The following GRM8 variants were observed in gnomAD, a reference collection of about 807,000 sequenced individuals.
GRM8 encodes the protein glutamate metabotropic receptor 8.
In GRM8, 47 loss-of-function variants were observed where a neutral mutation model predicts 87.2. The observed-to-expected ratio is 0.54, with a 90% confidence interval of 0.43 to 0.69. The LOEUF (loss-of-function observed/expected upper bound fraction) is 0.69. GRM8 is among the 30% of genes least tolerant of loss of function. The pLI, the probability that GRM8 is intolerant of heterozygous loss-of-function variation, is 0.00. For missense variants in GRM8, 1,019 were observed against 1,139.2 expected, an observed-to-expected ratio of 0.89 and a Z score of 1.52; for synonymous variants, 396 against 404.5, an observed-to-expected ratio of 0.98 and a Z score of 0.25.
intron 6 of GRM8, among the ~76,000 whole-genome samples, chr7:126,800,843 A>G (rs1418007448): frequency 2.6e-5 from 4 of 152,134 alleles, no homozygotes; most frequent in Non-Finnish European, 2.9e-5. Context: ...AATATGTTTA[A>G]CTGAATAAAA....
intron 6 of GRM8, among the ~76,000 whole-genome samples, chr7:126,898,659 C>T (rs189448036): frequency 3.2e-4 from 49 of 152,316 alleles, no homozygotes; most frequent in Non-Finnish European, 6.5e-4. Flanking sequence ...AATCTGGATT[C>T]GGCCACAAAC....
chr7:127,086,169 C>T (rs1355018940), intron 3 of GRM8, among the ~76,000 whole-genome samples: 2 of 152,144 alleles, frequency 1.3e-5, no homozygotes, highest in Non-Finnish European at 2.9e-5. Context: ...GGCATGATCT[C>T]GGCTCACTGC....
At chr7:126,710,084 A>C (rs1167336467) in intron 7 of GRM8, among the ~76,000 whole-genome samples, 1 of 152,236 alleles carries the variant, frequency 6.6e-6, no homozygotes, top group Non-Finnish European at 1.5e-5. Context: ...ATAGTCTACT[A>C]AGTGTATAGC....
chr7:126,526,752 C>CA (rs1813906843), intron 9 of GRM8, among the ~76,000 whole-genome samples: 1 of 152,134 alleles, frequency 6.6e-6, no homozygotes, highest in Non-Finnish European at 1.5e-5. Context: ...AAAACAAAAA[C>CA]TTATATAAGG....
chr7:127,144,471 A>G (rs1489417911), intron 2 of GRM8, among the ~76,000 whole-genome samples: 1 of 152,154 alleles, frequency 6.6e-6, no homozygotes, highest in Non-Finnish European at 1.5e-5. Flanking sequence ...ATGAGATATC[A>G]TTGCTTTTCA....
At chr7:126,650,130 G>A (rs1803643938) in intron 7 of GRM8, among the ~76,000 whole-genome samples, 1 of 152,130 alleles carries the variant, frequency 6.6e-6, no homozygotes, top group African/African-American at 2.4e-5. Flanking sequence ...TCATGAACTG[G>A]GTGCTTTCTG....
intron 7 of GRM8, among the ~76,000 whole-genome samples, chr7:126,643,466 T>A (rs1184186910): frequency 6.7e-6 from 1 of 150,362 alleles, no homozygotes; most frequent in Admixed American, 6.6e-5. Flanking sequence ...ACACATATAA[T>A]TAAAACCTTG....
intron 6 of GRM8, among the ~76,000 whole-genome samples, chr7:126,824,923 C>T (rs139142607): frequency 3.0e-4 from 45 of 152,240 alleles, no homozygotes; most frequent in African/African-American, 9.4e-4. Flanking sequence ...GTCATGAAAA[C>T]CTCAATATTC....
intron 7 of GRM8, among the ~76,000 whole-genome samples, chr7:126,741,105 C>T (rs2157978): frequency 0.44 from 66,510 of 151,800 alleles, 15,100 homozygotes; most frequent in Non-Finnish European, 0.48. Context: ...ACCAGTGAGA[C>T]GTGGCTACAG....
At chr7:126,806,091 G>C (rs933940595) in intron 6 of GRM8, among the ~76,000 whole-genome samples, 1 of 152,176 alleles carries the variant, frequency 6.6e-6, no homozygotes, top group Admixed American at 6.5e-5. Flanking sequence ...GAACGAAGTC[G>C]CAGACCCTCG....
intron 7 of GRM8, among the ~76,000 whole-genome samples, chr7:126,629,562 C>T (rs1801045626): frequency 6.6e-6 from 1 of 152,048 alleles, no homozygotes; most frequent in East Asian, 1.9e-4. Context: ...CAATCAAATA[C>T]ACAGGACTTT....
rs1030345456 is a variant in GRM8 at position 126,513,691 on chromosome 7, T to G, written c.2430+19261A>C. 2.0e-5 allele frequency among the ~76,000 whole-genome samples: 3 copies of G among 152,122 alleles called. No homozygotes were observed. The South Asian group carries it at 6.2e-4, about 31-fold the overall frequency. ...ACTTTTATACTTAGGTAAGTAGGAC[T>G]GAAGTCAAGTGAAACCTGTTTTTTA... is the stretch of plus-strand genomic sequence containing the variant. On this transcript the variant is annotated intron_variant, in intron 9 of 10. Transcript: ENST00000339582.
chr7:126,829,361 A>G (rs1439726945), intron 6 of GRM8, among the ~76,000 whole-genome samples: 4 of 133,078 alleles, frequency 3.0e-5, no homozygotes, highest in African/African-American at 1.2e-4. Flanking sequence ...GTCACTCAGG[A>G]CTTGCTTTAT....
rs760711248 is a variant in GRM8 at position 126,446,325 on chromosome 7, A to G, written c.2478T>C (p.Ala826=). Residue 826 remains alanine (A), a synonymous_variant, in exon 10 of 11, where the codon GCT becomes GCC. Coordinates refer to ENST00000339582, the MANE Select transcript of GRM8 (RefSeq NM_000845.3). ...TTLTVSMSLS[A]SVSLGMLYMP... is the part of the protein sequence containing the mutation. ...TATAGAGCATGCCCAGAGATACTGA[A>G]GCACTTAAACTCATGGAGACAGTAA... 1.1e-5 allele frequency: 17 copies of G among 1,610,520 alleles called. No individual in the cohort carries two copies. Among genetic ancestry groups the G allele is most frequent in the Non-Finnish European group, 1.4e-5 (17 of 1,177,500 alleles).
intron 7 of GRM8, among the ~76,000 whole-genome samples, chr7:126,616,073 T>A (rs1465263891): frequency 6.6e-6 from 1 of 152,172 alleles, no homozygotes; most frequent in African/African-American, 2.4e-5. Flanking sequence ...AGAATATACA[T>A]TCTTCTCAGC....
At chr7:126,482,948 T>C (rs942796615) in intron 9 of GRM8, among the ~76,000 whole-genome samples, 12 of 151,544 alleles carry the variant, frequency 7.9e-5, no homozygotes, top group Admixed American at 2.0e-4. Flanking sequence ...AGTCTCATGA[T>C]TTTGGTTTTT....
chr7:127,078,084 G>A (rs937412005), intron 3 of GRM8, among the ~76,000 whole-genome samples: 3 of 152,208 alleles, frequency 2.0e-5, no homozygotes, highest in Admixed American at 2.0e-4. Flanking sequence ...TAGTGACTTG[G>A]CTATAGCCAT....
intron 2 of GRM8, among the ~76,000 whole-genome samples, chr7:127,223,820 G>T (rs1437211635): frequency 1.3e-5 from 2 of 149,414 alleles, no homozygotes; most frequent in South Asian, 2.1e-4. Flanking sequence ...AAACTACAAA[G>T]AACTAGCAAA....
At chr7:126,851,974 T>G (rs1396412996) in intron 6 of GRM8, among the ~76,000 whole-genome samples, 1 of 152,178 alleles carries the variant, frequency 6.6e-6, no homozygotes, top group African/African-American at 2.4e-5. Context: ...TCGAGTGCTG[T>G]ATTGCCATGC....
Sources: allele counts gnomAD v4.1 joint callset (sites outside exome capture counted in the v4.1 genomes callset), GRCh38; gene constraint gnomAD v4.1.1; transcripts MANE v1.5; gene names NCBI Gene and HGNC (gene_info 2026-07-23, HGNC 2026-07-21).